Variants in ANO3 observed in about 807,000 individuals in gnomAD.
ANO3 encodes anoctamin 3.
In ANO3, 99 loss-of-function variants were observed where a neutral mutation model predicts 144.8. That is an observed-to-expected ratio of 0.68 (90% confidence interval 0.58 to 0.81). The LOEUF (loss-of-function observed/expected upper bound fraction) is 0.81. Ranked by LOEUF, ANO3 falls within the 30% of genes least tolerant of loss-of-function variation. The probability of loss-of-function intolerance (pLI) is 0.00; values close to 1 mark genes in which losing one functional copy is unlikely to be tolerated. For synonymous variants in ANO3, 414 were observed against 392.6 expected (o/e 1.05, Z -0.64); for missense variants, 905 against 1,202.2 (o/e 0.75, Z 3.66).
At chr11:26,391,798 CA>C (rs947028702) in intron 1 of ANO3, among the ~76,000 whole-genome samples, 1 of 152,062 alleles carries the variant, frequency 6.6e-6, no homozygotes, top group African/African-American at 2.4e-5. Flanking sequence ...TATGTGTAGC[CA>C]ACATCTAACC....
intron 1 of ANO3, among the ~76,000 whole-genome samples, chr11:26,426,811 G>A (rs576565308): frequency 3.3e-5 from 5 of 152,138 alleles, no homozygotes; most frequent in Non-Finnish European, 5.9e-5. Context: ...CTGCAGCAAC[G>A]GTTGTGAAGA....
intron 4 of ANO3, among the ~76,000 whole-genome samples, chr11:26,475,660 G>T (rs1859936855): frequency 6.6e-6 from 1 of 151,950 alleles, no homozygotes; most frequent in African/African-American, 2.4e-5. Flanking sequence ...AAAAGTATGT[G>T]CTGCATAATT....
At chr11:26,390,392 C>T (rs1856842976) in intron 1 of ANO3, among the ~76,000 whole-genome samples, 1 of 151,988 alleles carries the variant, frequency 6.6e-6, no homozygotes, top group South Asian at 2.1e-4. Context: ...CTGTGCCCTT[C>T]TTCTCTTCTC....
chr11:26,483,187 G>C (rs1602933), intron 4 of ANO3, among the ~76,000 whole-genome samples: 8,069 of 152,018 alleles, frequency 0.053, 407 homozygotes, highest in African/African-American at 0.13. Context: ...TTCCCACCAA[G>C]AGCCTGTAAA....
At chr11:26,216,484 T>C (rs1037618277) in intron 1 of ANO3, among the ~76,000 whole-genome samples, 4 of 152,002 alleles carry the variant, frequency 2.6e-5, no homozygotes, top group Admixed American at 2.6e-4. Flanking sequence ...TAATATTCCA[T>C]TGTATGACAG....
intron 10 of ANO3, among the ~76,000 whole-genome samples, chr11:26,538,383 G>A (rs192284894): frequency 5.9e-5 from 9 of 152,198 alleles, no homozygotes; most frequent in Non-Finnish European, 1.0e-4. Flanking sequence ...AATAATAACA[G>A]GAAATATGTT....
At chr11:26,346,980 G>A (rs1855512195) in intron 1 of ANO3, among the ~76,000 whole-genome samples, 1 of 152,156 alleles carries the variant, frequency 6.6e-6, no homozygotes, top group South Asian at 2.1e-4. Context: ...TAAACTCCTG[G>A]GAGCTGATCC....
rs75519070 is a variant in ANO3 at position 26,623,148 on chromosome 11, A to T, written c.1837-1314A>T. On this transcript the variant is annotated intron_variant, in intron 17 of 26. Transcript: ENST00000256737. ...AAACCTGCACTAGGAAGAGAATGAGAGTACTGTACTCAGTGTAATCTTTCT... is the reference window on the plus strand; with the variant it reads ...AAACCTGCACTAGGAAGAGAATGAGTGTACTGTACTCAGTGTAATCTTTCT... Among the ~76,000 whole-genome samples, 244 of 152,328 alleles carry T rather than the reference A, an allele frequency of 1.6e-3. 5 individuals carry two copies. The highest frequency in any genetic ancestry group is 0.011 in the Admixed American group (173 of 15,306).
chr11:26,431,708 G>A (rs1219939105), intron 1 of ANO3, among the ~76,000 whole-genome samples: 1 of 152,158 alleles, frequency 6.6e-6, no homozygotes, highest in Admixed American at 6.5e-5. Flanking sequence ...CTCCATCCAT[G>A]TTCCTGCAAA....
At chr11:26,314,919 T>G (rs886077731) in intron 1 of ANO3, among the ~76,000 whole-genome samples, 8 of 152,208 alleles carry the variant, frequency 5.3e-5, no homozygotes, top group African/African-American at 9.6e-5. Flanking sequence ...GCTCCATTAA[T>G]ATAGACCCTT....
chr11:26,601,633 A>G (rs1033510580), intron 17 of ANO3, among the ~76,000 whole-genome samples: 1 of 152,244 alleles, frequency 6.6e-6, no homozygotes, highest in African/African-American at 2.4e-5. Flanking sequence ...CATTGATGGA[A>G]GAGCCATTTT....
At chr11:26,247,685 T>C (rs1238125711) in intron 1 of ANO3, among the ~76,000 whole-genome samples, 1 of 150,602 alleles carries the variant, frequency 6.6e-6, no homozygotes, top group East Asian at 2.0e-4. Flanking sequence ...GAGAGTATTA[T>C]TGAAAAACCC....
At chr11:26,597,892 G>GTTTCTTCTCTTGTCTTTCT (rs1851682682) in intron 14 of ANO3, among the ~76,000 whole-genome samples, 1 of 152,156 alleles carries the variant, frequency 6.6e-6, no homozygotes, top group African/African-American at 2.4e-5. Context: ...GAATTTGGGA[G>GTTTCTTCTCTTGTCTTTCT]TTTCTTCTCT....
chr11:26,241,359 G>A (rs1343136734), intron 1 of ANO3, among the ~76,000 whole-genome samples: 1 of 152,156 alleles, frequency 6.6e-6, no homozygotes, highest in Non-Finnish European at 1.5e-5. Flanking sequence ...AGACAGAAAA[G>A]TAGTTCAAGA....
chr11:26,510,986 C>G (rs79950882), intron 5 of ANO3, among the ~76,000 whole-genome samples: 13,691 of 152,238 alleles, frequency 0.09, 860 homozygotes, highest in Admixed American at 0.14. Flanking sequence ...TTTGTCTACT[C>G]TTATTCCTGA....
At chr11:26,650,853 A>G (rs142734590) in intron 24 of ANO3, among the ~76,000 whole-genome samples, 49 of 152,316 alleles carry the variant, frequency 3.2e-4, no homozygotes, top group African/African-American at 1.1e-3. Context: ...ACTTTTTTCC[A>G]ACATGAAATA....
In ANO3 at chr11:26,599,724, T is replaced by C; in HGVS notation, c.1836+10T>C. 2 of 1,609,726 alleles carry C rather than the reference T, an allele frequency of 1.2e-6. No individual in the cohort carries two copies. ...TATGTTGCTGAATCTTGTAAGTGTCTATAATGTTATTCTTCAGTAGACAAA... is the reference window on the plus strand; with the variant it reads ...TATGTTGCTGAATCTTGTAAGTGTCCATAATGTTATTCTTCAGTAGACAAA... On this transcript the variant is annotated intron_variant, in intron 17 of 26. Transcript: ENST00000256737.
intron 1 of ANO3, among the ~76,000 whole-genome samples, chr11:26,395,091 T>C (rs544223026): frequency 6.6e-6 from 1 of 152,280 alleles, no homozygotes; most frequent in Non-Finnish European, 1.5e-5. Flanking sequence ...AAAGTTAGTG[T>C]TCAGCCAACA....
intron 1 of ANO3, among the ~76,000 whole-genome samples, chr11:26,334,906 C>T (rs1391202920): frequency 1.3e-5 from 2 of 152,056 alleles, no homozygotes; most frequent in African/African-American, 4.8e-5. Context: ...TTTAAAGTTT[C>T]CACCCTTAAT....
Sources: gnomAD v4.1 joint callset for allele counts (sites outside exome capture counted in the v4.1 genomes callset) on GRCh38, gnomAD v4.1.1 for gene constraint, MANE v1.5 for transcripts, NCBI Gene and HGNC (gene_info 2026-07-23, HGNC 2026-07-21) for gene names.